Variants in CENPL observed in about 807,000 individuals in gnomAD.
CENPL encodes interphase centromere complex protein 33.
Under a neutral mutation model 35.2 loss-of-function variants are expected in CENPL, and 20 were observed. The ratio of observed to expected loss-of-function variants is 0.57; its 90% CI spans 0.40 to 0.83. CENPL has a LOEUF of 0.83. CENPL is among the 40% of genes least tolerant of loss of function. The pLI is 0.00. For synonymous variants in CENPL, 140 were observed against 140.6 expected, an observed-to-expected ratio of 1.00 and a Z score of 0.03; for missense variants, 363 against 395.8, an observed-to-expected ratio of 0.92 and a Z score of 0.70.
At chr1:173,813,841 T>A (rs1385621705) in intron 2 of CENPL, among the ~76,000 whole-genome samples, 2 of 152,126 alleles carry the variant, frequency 1.3e-5, no homozygotes, top group South Asian at 2.1e-4. Context: ...ACCTTAAATG[T>A]AAATGGACTA....
At chr1:173,809,756 A>T (rs1571960996) in intron 3 of CENPL, among the ~76,000 whole-genome samples, 1 of 152,316 alleles carries the variant, frequency 6.6e-6, no homozygotes, top group East Asian at 1.9e-4. Context: ...AATCAAAACC[A>T]CAATGAGATG....
intron 2 of CENPL, among the ~76,000 whole-genome samples, chr1:173,814,409 C>T (rs1651155414): frequency 6.6e-6 from 1 of 152,164 alleles, no homozygotes; most frequent in Non-Finnish European, 1.5e-5. Context: ...CCCACTTATT[C>T]TAAAATTGAC....
chr1:173,811,418 C>T, intron 2 of CENPL, 112 bp from the exon 3 acceptor site: 1 of 718,900 alleles, frequency 1.4e-6, no homozygotes, highest in South Asian at 2.4e-5. Flanking sequence ...GTCTTTTCCC[C>T]TCCCTATCCC....
chr1:173,819,763 C>T (rs909372409), intron 2 of CENPL, among the ~76,000 whole-genome samples: 2 of 152,094 alleles, frequency 1.3e-5, no homozygotes, highest in African/African-American at 4.8e-5. Flanking sequence ...GCGATCTCGG[C>T]TCACTGCAAC....
intron 5 of CENPL, among the ~76,000 whole-genome samples, chr1:173,802,515 T>C (rs1005328705): frequency 6.6e-6 from 1 of 152,214 alleles, no homozygotes; most frequent in African/African-American, 2.4e-5. Context: ...CTATTTCTGA[T>C]ACTTCTTATC....
intron 4 of CENPL, 136 bp from the exon 5 acceptor site, chr1:173,803,641 C>T: frequency 1.3e-6 from 1 of 758,312 alleles, no homozygotes; most frequent in Non-Finnish European, 2.1e-6. Flanking sequence ...GGAATAGTCT[C>T]CCTAATGATT....
rs1652353177 is a variant in CENPL, at chr1:173,824,500, A to C, written c.-390T>G. On this transcript the variant is annotated 5_prime_UTR_variant, in exon 1 of 6. Coordinates refer to ENST00000682279, the MANE Select transcript of CENPL (RefSeq NM_001387287.1). ...GCCATTTTAACTGAGGGCAAGGCCGAGCCACTTAACCACTATCGTCAACCT... is the reference window on the plus strand; with the variant it reads ...GCCATTTTAACTGAGGGCAAGGCCGCGCCACTTAACCACTATCGTCAACCT... 2 of 152,390 alleles carry C rather than the reference A, an allele frequency of 1.3e-5. No individual in the cohort carries two copies. The highest frequency in any genetic ancestry group is 1.3e-4 in the Admixed American group (2 of 15,288). The allele number at this position is 152,390 out of a possible 1,614,324, so 9.4% of individuals were successfully genotyped here.
chr1:173,807,929 G>T (rs1016181661), intron 3 of CENPL, among the ~76,000 whole-genome samples: 1 of 152,048 alleles, frequency 6.6e-6, no homozygotes, highest in Admixed American at 6.6e-5. Context: ...CTTCCCTACT[G>T]GTGTATAAGC....
intron 3 of CENPL, among the ~76,000 whole-genome samples, 171 bp downstream of exon 3, chr1:173,810,961 A>G (rs1267857883): frequency 6.6e-6 from 1 of 152,272 alleles, no homozygotes; most frequent in South Asian, 2.1e-4. Context: ...AAAAACAAAT[A>G]AAAGACATAA....
chr1:173,806,633 G>GT lies in CENPL; in HGVS notation c.420+633dup, dbSNP rs1300627743. On this transcript the variant is annotated intron_variant, in intron 4 of 5. Transcript: ENST00000682279. ...AACGCAACATTTTATATTCCTTCCTGTAAGTAGTATATAAGAGCAACAGAA... is the reference window on the plus strand; with the variant it reads ...AACGCAACATTTTATATTCCTTCCTGTTAAGTAGTATATAAGAGCAACAGAA... 2.2e-5 allele frequency: 6 copies of GT among 267,522 alleles called. No individual in the cohort carries two copies. The East Asian group carries it at 6.8e-4, about 30-fold the overall frequency. 16.6% of individuals were successfully genotyped at this position (267,522 alleles called of 1,614,324 possible). A position where few individuals can be genotyped will look rare whatever the true frequency, so the allele number is the denominator to read the frequency against.
At position 173,803,379 on chromosome 1, in the gene CENPL, A is replaced by C. The variant is rs1314011403; in HGVS notation, c.547T>G (p.Leu183Val). The change falls in exon 5 of 6, where the codon TTA becomes GTA. Residue 183 changes from leucine to valine, a missense_variant. Coordinates refer to ENST00000682279, the MANE Select transcript of CENPL (RefSeq NM_001387287.1). ...TVSEDFTCLP[L>V]FLANGAESNT... ...GACTCTGCTCCATTTGCAAGGAATA[A>C]GGGCAGACAGGTGAAATCTTCTGAA... The C allele has an allele frequency of 6.2e-7, 1 of 1,614,100 alleles. No individual in the cohort carries two copies. Among genetic ancestry groups the C allele is most frequent in the South Asian group, 1.1e-5 (1 of 91,088 alleles).
chr1:173,810,996 ATT>A, intron 3 of CENPL, 134 bp downstream of exon 3: 1 of 689,592 alleles, frequency 1.5e-6, no homozygotes, highest in Non-Finnish European at 2.4e-6. Context: ...TCGTTATGAA[ATT>A]GTTTCTTTCT....
intron 2 of CENPL, among the ~76,000 whole-genome samples, chr1:173,821,115 G>A (rs1651901930): frequency 6.6e-6 from 1 of 152,168 alleles, no homozygotes; most frequent in Non-Finnish European, 1.5e-5. Context: ...CTTCAAATTT[G>A]TTACTTGGTA....
chr1:173,806,133 A>G (rs993989907), intron 4 of CENPL, among the ~76,000 whole-genome samples: 3 of 152,290 alleles, frequency 2.0e-5, no homozygotes, highest in Non-Finnish European at 2.9e-5. Context: ...AAAAACAAGC[A>G]GCAGATCAGA....
At chr1:173,802,822 C>A in intron 5 of CENPL, 141 bp downstream of exon 5, 1 of 613,410 alleles carries the variant, frequency 1.6e-6, no homozygotes, top group Admixed American at 3.2e-5. Context: ...TGCAATAAAC[C>A]ATAAACCATA....
Position 173,811,264 on chromosome 1 carries a change from A to G in CENPL, c.36T>C (p.Ser12=). The change falls in exon 3 of 6, where the codon AGT becomes AGC. Residue 12 remains serine, a synonymous_variant. Transcript: ENST00000682279. ...AGTAATCTTCAGGTCTTGAGGATGC[A>G]CTAGGAGTTGACTCTGGTGCACTGT... The part of the protein sequence containing the change: ...DSYSAPESTP[S]ASSRPEDYFI... 8 of 1,613,024 alleles carry G rather than the reference A, an allele frequency of 5.0e-6. 1 individual carries two copies. Among genetic ancestry groups the G allele is most frequent in the Middle Eastern group, 3.3e-4 (2 of 6,060 alleles).
intron 2 of CENPL, among the ~76,000 whole-genome samples, chr1:173,818,554 C>T (rs559213439): frequency 1.1e-4 from 17 of 152,228 alleles, no homozygotes; most frequent in Non-Finnish European, 2.2e-4. Context: ...CCTGAAATAC[C>T]TATGGCATAC....
At chr1:173,820,420 G>A (rs1051124261) in intron 2 of CENPL, among the ~76,000 whole-genome samples, 3 of 152,044 alleles carry the variant, frequency 2.0e-5, no homozygotes, top group African/African-American at 4.8e-5. Flanking sequence ...AGAGGCTGAG[G>A]CAGGAGGAGT....
chr1:173,819,200 T>C (rs550292190), intron 2 of CENPL, among the ~76,000 whole-genome samples: 21 of 151,932 alleles, frequency 1.4e-4, no homozygotes, highest in African/African-American at 4.6e-4. Context: ...TGCCACCGAA[T>C]TCCAGCCTGG....
Sources: allele counts gnomAD v4.1 joint callset (sites outside exome capture counted in the v4.1 genomes callset), GRCh38; gene constraint gnomAD v4.1.1; transcripts MANE v1.5; gene names NCBI Gene and HGNC (gene_info 2026-07-23, HGNC 2026-07-21).